Variants in PRKAG2 observed in about 807,000 individuals in gnomAD.
PRKAG2 encodes the protein 5'-AMP-activated protein kinase subunit gamma-2.
Under a neutral mutation model 69.6 loss-of-function variants are expected in PRKAG2, and 26 were observed. The observed-to-expected ratio is 0.37, with a 90% CI of 0.27 to 0.52. The LOEUF (loss-of-function observed/expected upper bound fraction) is 0.52. PRKAG2 is among the 20% of genes least tolerant of loss of function. The probability of loss-of-function intolerance (pLI) is 0.90; values close to 1 mark genes in which losing one functional copy is unlikely to be tolerated. For missense variants in PRKAG2, 557 were observed against 740.0 expected, an observed-to-expected ratio of 0.75 and a Z score of 2.87; for synonymous variants, 293 against 285.0, an observed-to-expected ratio of 1.03 and a Z score of -0.28.
intron 3 of PRKAG2, among the ~76,000 whole-genome samples, chr7:151,778,859 A>T (rs1175846225): frequency 6.6e-6 from 1 of 152,162 alleles, no homozygotes. Flanking sequence ...AGAAGCTACC[A>T]CTAGCAGTCC....
intron 5 of PRKAG2, chr7:151,631,561 G>T: frequency 2.6e-6 from 1 of 386,184 alleles, no homozygotes; most frequent in Non-Finnish European, 5.4e-6. Context: ...AGGGTCGCCT[G>T]AACTCAACAC....
chr7:151,829,939 C>G (rs1408850892), intron 1 of PRKAG2, among the ~76,000 whole-genome samples: 2 of 151,740 alleles, frequency 1.3e-5, no homozygotes, highest in Admixed American at 6.6e-5. Context: ...CAGACACCCC[C>G]CTGAGGCCAT....
At chr7:151,872,674 G>A (rs533922984) in intron 1 of PRKAG2, among the ~76,000 whole-genome samples, 75 of 152,354 alleles carry the variant, frequency 4.9e-4, no homozygotes, top group Admixed American at 9.1e-4. Context: ...ACCCCTCCTG[G>A]GTTGAGGGTT....
chr7:151,806,707 C>A, intron 1 of PRKAG2: 1 of 291,584 alleles, frequency 3.4e-6, no homozygotes, highest in Non-Finnish European at 6.7e-6. Flanking sequence ...GTGGCTCACA[C>A]CTGTAACCTG....
chr7:151,838,027 G>A (rs2079185560), intron 1 of PRKAG2, among the ~76,000 whole-genome samples: 1 of 151,842 alleles, frequency 6.6e-6, no homozygotes, highest in African/African-American at 2.4e-5. Flanking sequence ...AACGCGCACA[G>A]GACCCCGGAG....
chr7:151,802,777 C>T (rs2077905562), intron 1 of PRKAG2, among the ~76,000 whole-genome samples: 1 of 151,970 alleles, frequency 6.6e-6, no homozygotes, highest in African/African-American at 2.4e-5. Flanking sequence ...TCAGCCTCTC[C>T]TTTCTCCCAC....
chr7:151,572,332 T>G, intron 9 of PRKAG2: 1 of 189,302 alleles, frequency 5.3e-6, no homozygotes, highest in Non-Finnish European at 1.1e-5. Flanking sequence ...AAGGCAAATC[T>G]CTGAGGGCTT....
At chr7:151,718,267 G>A (rs530109055) in intron 3 of PRKAG2, among the ~76,000 whole-genome samples, 129 of 136,784 alleles carry the variant, frequency 9.4e-4, no homozygotes, top group African/African-American at 3.6e-3. Flanking sequence ...CCTTCCCATG[G>A]TGGTGGGTGG....
chr7:151,587,475 A>G (rs1390260322), intron 6 of PRKAG2, among the ~76,000 whole-genome samples: 1 of 152,148 alleles, frequency 6.6e-6, no homozygotes, highest in Non-Finnish European at 1.5e-5. Flanking sequence ...GGAAAGGAGG[A>G]AGAAGAATCA....
intron 1 of PRKAG2, among the ~76,000 whole-genome samples, chr7:151,869,230 A>G (rs114621002): frequency 3.2e-4 from 49 of 152,352 alleles, no homozygotes; most frequent in African/African-American, 1.2e-3. Context: ...ATGTTAATTC[A>G]GTACTCGAGC....
rs1162084036 is a variant in PRKAG2, at chr7:151,614,420, G to T, written c.754+17649C>A. Among the ~76,000 whole-genome samples, 1 of 152,086 alleles carries T rather than the reference G, an allele frequency of 6.6e-6. No individual in the cohort carries two copies. The highest frequency in any genetic ancestry group is 1.9e-4 in the East Asian group (1 of 5,158). On this transcript the variant is annotated intron_variant, in intron 5 of 15. Transcript: ENST00000287878. This position sits in a 1 kb window ranked among gnomAD's most constrained non-coding sequence, Gnocchi z 4.4. The stretch of plus-strand genomic sequence containing the variant: ...TGGAGGTGACCAGAAGCCACACAGG[G>T]GCTCACACAGGAGGCTGAAAAAATC...
intron 6 of PRKAG2, among the ~76,000 whole-genome samples, chr7:151,578,071 T>C (rs76503632): frequency 0.022 from 3,344 of 151,522 alleles, 109 homozygotes; most frequent in African/African-American, 0.076. Flanking sequence ...CTGGGCACAG[T>C]GGCCCACGCC....
chr7:151,749,890 A>T lies in PRKAG2; in HGVS notation c.466+31262T>A, dbSNP rs1294483113. ...GGTGGGCAGATCACGTGAGGTCAGG[A>T]GTTTGAGACCAGCCTGGCCAACATG... is the stretch of plus-strand genomic sequence containing the variant. On this transcript the variant is annotated intron_variant, in intron 3 of 15. Coordinates refer to ENST00000287878, the MANE Select transcript of PRKAG2 (RefSeq NM_016203.4). 2.6e-5 allele frequency among the ~76,000 whole-genome samples: 4 copies of T among 151,960 alleles called. No homozygotes were observed. In the East Asian group the frequency reaches 7.7e-4, roughly 29 times the overall value.
chr7:151,726,303 G>A (rs1399669144), intron 3 of PRKAG2, among the ~76,000 whole-genome samples: 1 of 151,946 alleles, frequency 6.6e-6, no homozygotes, highest in Non-Finnish European at 1.5e-5. Context: ...TGGCATGCAG[G>A]GCGCCAGGTT....
chr7:151,719,014 G>C lies in PRKAG2; in HGVS notation c.467-43377C>G, dbSNP rs1230279192. ...ATGATTCCTGTTCTCTCTGTGCTCA[G>C]ACTTTCCAACCCACCCACAAACATT... On this transcript the variant is annotated intron_variant, in intron 3 of 15. Coordinates refer to ENST00000287878, the MANE Select transcript of PRKAG2 (RefSeq NM_016203.4). This position sits in a 1 kb window ranked among gnomAD's most constrained non-coding sequence, Gnocchi z 5.2. Among the ~76,000 whole-genome samples the C allele has an allele frequency of 1.3e-5, 2 of 152,152 alleles. No homozygotes were observed. Among genetic ancestry groups the C allele is most frequent in the African/African-American group, 4.8e-5 (2 of 41,440 alleles).
At chr7:151,793,379 T>A (rs1304460939) in intron 1 of PRKAG2, among the ~76,000 whole-genome samples, 3 of 152,196 alleles carry the variant, frequency 2.0e-5, no homozygotes, top group African/African-American at 7.2e-5. Context: ...TTAACCTGTG[T>A]CTTGATACGC....
intron 3 of PRKAG2, among the ~76,000 whole-genome samples, chr7:151,698,041 C>T (rs1836991427): frequency 6.6e-6 from 1 of 152,182 alleles, no homozygotes; most frequent in Non-Finnish European, 1.5e-5. Context: ...ACTGTTGATG[C>T]CCTGTCCCTA....
intron 3 of PRKAG2, among the ~76,000 whole-genome samples, chr7:151,761,567 C>T (rs2075413807): frequency 6.6e-6 from 1 of 152,164 alleles, no homozygotes; most frequent in South Asian, 2.1e-4. Flanking sequence ...ATCAGCTGCA[C>T]CCATTCCCTA....
chr7:151,841,288 T>C (rs1451723971), intron 1 of PRKAG2, among the ~76,000 whole-genome samples: 2 of 152,130 alleles, frequency 1.3e-5, no homozygotes, highest in African/African-American at 2.4e-5. Flanking sequence ...GTAGTGAGGG[T>C]AGCAGTGGTG....
Sources: allele counts gnomAD v4.1 joint callset (sites outside exome capture counted in the v4.1 genomes callset), GRCh38; gene constraint gnomAD v4.1.1; non-coding constraint Gnocchi (gnomAD v3.1); transcripts MANE v1.5; gene names NCBI Gene and HGNC (gene_info 2026-07-23, HGNC 2026-07-21).